ZNF608: variants seen among roughly 807,000 people sequenced by gnomAD.
ZNF608 encodes the protein renal carcinoma antigen NY-REN-36.
Under a neutral mutation model 109.0 loss-of-function variants are expected in ZNF608, and 12 were observed. That is an observed-to-expected ratio of 0.11 (90% CI 0.07 to 0.18). The LOEUF (loss-of-function observed/expected upper bound fraction) is 0.18, where lower values mean the gene tolerates loss of function less well. ZNF608 is among the 10% of genes least tolerant of loss of function. ZNF608 has a pLI of 1.00. For synonymous variants in ZNF608, 732 were observed against 717.4 expected, an observed-to-expected ratio of 1.02 and a Z score of -0.33; for missense variants, 1,707 against 1,879.3, an observed-to-expected ratio of 0.91 and a Z score of 1.70.
intron 3 of ZNF608, among the ~76,000 whole-genome samples, chr5:124,686,666 C>G (rs1310902919): frequency 6.6e-6 from 1 of 152,206 alleles, no homozygotes; most frequent in African/African-American, 2.4e-5. Context: ...TGCAGGTTCT[C>G]TTTAAACAAG....
intron 3 of ZNF608, among the ~76,000 whole-genome samples, chr5:124,695,333 GT>G (rs1370086873): frequency 1.3e-5 from 2 of 152,200 alleles, no homozygotes; most frequent in African/African-American, 4.8e-5. Flanking sequence ...CTGGATTAAT[GT>G]TTAATCTCAC....
At chr5:124,709,488 T>G (rs1214702643) in intron 2 of ZNF608, among the ~76,000 whole-genome samples, 1 of 152,230 alleles carries the variant, frequency 6.6e-6, no homozygotes, top group African/African-American at 2.4e-5. Flanking sequence ...ATTAAATTCC[T>G]CCCTCAAAGG....
intron 3 of ZNF608, among the ~76,000 whole-genome samples, chr5:124,652,368 C>G (rs981098836): frequency 6.6e-6 from 1 of 152,168 alleles, no homozygotes; most frequent in African/African-American, 2.4e-5. Flanking sequence ...CAGAAGCACT[C>G]CGTATTTAAA....
chr5:124,708,800 T>C (rs1433090715), intron 2 of ZNF608: 3 of 455,674 alleles, frequency 6.6e-6, no homozygotes, highest in Non-Finnish European at 1.3e-5. Flanking sequence ...ACCAGGGCTC[T>C]GGCCCCAAGG....
chr5:124,695,896 C>A lies in ZNF608; in HGVS notation c.1162+5118G>T, dbSNP rs368435317. ...CATCTCTGGTGATTTAAAAGAGAAT[C>A]ATTTCGGCCGGGCGGGGTGGCTCAC... On this transcript the variant is annotated intron_variant, in intron 3 of 9. Coordinates refer to ENST00000513986, the MANE Select transcript of ZNF608 (RefSeq NM_020747.3). 5.9e-5 allele frequency among the ~76,000 whole-genome samples: 9 copies of A among 151,958 alleles called. 1 individual carries two copies. Among genetic ancestry groups the A allele is most frequent in the Admixed American group, 5.2e-4 (8 of 15,256 alleles).
chr5:124,746,680 G>A (rs1749652700), upstream of ZNF608: 2 of 985,348 alleles, frequency 2.0e-6, no homozygotes, highest in South Asian at 4.7e-5. Flanking sequence ...TAGTGAAAGG[G>A]AAGAAAGAAT....
chr5:124,671,393 C>T (rs765536700), intron 3 of ZNF608, among the ~76,000 whole-genome samples: 8 of 152,030 alleles, frequency 5.3e-5, no homozygotes, highest in Non-Finnish European at 7.4e-5. Flanking sequence ...TCACCATATC[C>T]GAAAGGTCAT....
At chr5:124,723,752 T>C (rs997820170) in intron 2 of ZNF608, among the ~76,000 whole-genome samples, 64 of 151,988 alleles carry the variant, frequency 4.2e-4, no homozygotes, top group African/African-American at 1.5e-3. Flanking sequence ...AGGAACAGCA[T>C]AAACAGAATC....
At chr5:124,747,451 A>G (rs549902250), upstream of ZNF608, among the ~76,000 whole-genome samples, 54 of 151,950 alleles carry the variant, frequency 3.6e-4, no homozygotes, top group African/African-American at 1.3e-3. Flanking sequence ...ACAACCAACC[A>G]TCTAAAAGGA....
intron 2 of ZNF608, among the ~76,000 whole-genome samples, chr5:124,714,397 C>A (rs762945578): frequency 4.6e-5 from 7 of 152,302 alleles, no homozygotes; most frequent in Non-Finnish European, 7.3e-5. Flanking sequence ...ACAACTAAGA[C>A]CATCAGTCCC....
chr5:124,672,014 A>G (rs1175281136), intron 3 of ZNF608, among the ~76,000 whole-genome samples: 1 of 152,248 alleles, frequency 6.6e-6, no homozygotes, highest in Non-Finnish European at 1.5e-5. Context: ...AGAGAAAAAA[A>G]GAATCAAATA....
At chr5:124,649,241 G>T in intron 4 of ZNF608, 108 bp from the exon 5 acceptor site, 1 of 895,156 alleles carries the variant, frequency 1.1e-6, no homozygotes, top group African/African-American at 1.7e-5. Context: ...GTAGCTTCAG[G>T]GCTGGGCCCA....
At position 124,744,004 on chromosome 5, in the gene ZNF608, A is replaced by C. The variant is rs1749531115; in HGVS notation, c.906+80T>G. The C allele has an allele frequency of 1.3e-6, 2 of 1,508,092 alleles. No homozygotes were observed. The highest frequency in any genetic ancestry group is 1.8e-6 in the Non-Finnish European group (2 of 1,127,090). 93.4% of individuals were successfully genotyped at this position (1,508,092 alleles called of 1,614,324 possible). A position where few individuals can be genotyped will look rare whatever the true frequency, so the allele number is the denominator to read the frequency against. On this transcript the variant is annotated intron_variant, in intron 2 of 9. Coordinates refer to ENST00000513986, the MANE Select transcript of ZNF608 (RefSeq NM_020747.3). This position sits in a 1 kb window ranked among gnomAD's most constrained non-coding sequence, Gnocchi z 4.5. ...AACCAGAAAGCATAAAGTGTAAGGC[A>C]CACAGAGGCACACCCCCACACACCC...
intron 3 of ZNF608, among the ~76,000 whole-genome samples, chr5:124,655,353 T>C (rs1441535240): frequency 6.6e-6 from 1 of 152,236 alleles, no homozygotes; most frequent in African/African-American, 2.4e-5. Flanking sequence ...CTTCAGAGTC[T>C]TTAAAGTGCC....
At chr5:124,711,171 A>G (rs1338920341) in intron 2 of ZNF608, among the ~76,000 whole-genome samples, 1 of 152,238 alleles carries the variant, frequency 6.6e-6, no homozygotes, top group African/African-American at 2.4e-5. Context: ...TCACAGGTCC[A>G]GAATTCGGTT....
At chr5:124,683,835 G>A (rs927912153) in intron 3 of ZNF608, among the ~76,000 whole-genome samples, 2 of 152,216 alleles carry the variant, frequency 1.3e-5, no homozygotes, top group African/African-American at 4.8e-5. Flanking sequence ...AGTAGCACTA[G>A]AAGTCACTGG....
chr5:124,654,874 A>G (rs537520144), intron 3 of ZNF608, among the ~76,000 whole-genome samples: 2 of 152,356 alleles, frequency 1.3e-5, no homozygotes, highest in African/African-American at 4.8e-5. Context: ...AGAACTTCCC[A>G]GGTCTGAACT....
chr5:124,639,111 T>A (rs200792204), intron 9 of ZNF608, 22 bp downstream of exon 9: 2 of 1,608,372 alleles, frequency 1.2e-6, no homozygotes, highest in African/African-American at 2.7e-5. Flanking sequence ...TACAACTAAT[T>A]AAAAATGTAG....
At position 124,647,363 on chromosome 5, in the gene ZNF608, A is replaced by G. The variant is rs752670071; in HGVS notation, c.3021T>C (p.Ser1007=). ...YHSYDPYYSP[S]YMHPGQVGAP... ...CACCGACCTGCCCAGGGTGCATGTA[A>G]CTTGGAGAATAATAAGGATCATAGC... Residue 1007 remains serine (S), a synonymous_variant, in exon 5 of 10, where the codon AGT becomes AGC. Transcript: ENST00000513986. 1 of 1,614,230 alleles carries G rather than the reference A, an allele frequency of 6.2e-7. No homozygotes were observed. The highest frequency in any genetic ancestry group is 8.5e-7 in the Non-Finnish European group (1 of 1,180,032).
Sources: allele counts gnomAD v4.1 joint callset (sites outside exome capture counted in the v4.1 genomes callset), GRCh38; gene constraint gnomAD v4.1.1; non-coding constraint Gnocchi (gnomAD v3.1); transcripts MANE v1.5; gene names NCBI Gene and HGNC (gene_info 2026-07-23, HGNC 2026-07-21).